Variants in AKIRIN2 observed in about 807,000 individuals in gnomAD.
The protein encoded by AKIRIN2 is akirin 2.
Under a neutral mutation model 29.3 loss-of-function variants are expected in AKIRIN2, and 6 were observed. The ratio of observed to expected loss-of-function variants is 0.20; its 90% CI spans 0.11 to 0.40. The LOEUF is 0.40. AKIRIN2 is among the 10% of genes least tolerant of loss of function. The pLI is 1.00. For missense variants in AKIRIN2, 210 were observed against 276.1 expected, an observed-to-expected ratio of 0.76 and a Z score of 1.70; for synonymous variants, 128 against 117.5, an observed-to-expected ratio of 1.09 and a Z score of -0.58.
chr6:87,680,013 C>A (rs750012793), intron 2 of AKIRIN2, among the ~76,000 whole-genome samples: 9 of 152,300 alleles, frequency 5.9e-5, no homozygotes, highest in Non-Finnish European at 1.0e-4. Context: ...ACAAAGCCCA[C>A]CAGCTTTATT....
intron 1 of AKIRIN2, among the ~76,000 whole-genome samples, chr6:87,687,438 T>G (rs1461887115): frequency 3.1e-5 from 1 of 32,626 alleles, no homozygotes; most frequent in South Asian, 8.9e-4. Context: ...AAATTCCGTT[T>G]CAAAAAAAAA....
At chr6:87,696,079 C>G (rs952901158) in intron 1 of AKIRIN2, among the ~76,000 whole-genome samples, 3 of 152,062 alleles carry the variant, frequency 2.0e-5, no homozygotes, top group Non-Finnish European at 4.4e-5. Context: ...ACTTGAGAGG[C>G]TGAGGCAGGG....
At chr6:87,698,811 C>A (rs1254810818) in intron 1 of AKIRIN2, among the ~76,000 whole-genome samples, 1 of 152,224 alleles carries the variant, frequency 6.6e-6, no homozygotes, top group Non-Finnish European at 1.5e-5. Context: ...TCAAGTCAAA[C>A]TTCCTGGGAT....
intron 3 of AKIRIN2, among the ~76,000 whole-genome samples, chr6:87,676,596 A>AACACACGCGCGCGCGCACACAC (rs1485678233): frequency 2.1e-5 from 3 of 142,146 alleles, no homozygotes; most frequent in African/African-American, 8.1e-5. Flanking sequence ...CTCTACTAAA[A>AACACACGCGCGCGCGCACACAC]ACACACACAC....
intron 3 of AKIRIN2, among the ~76,000 whole-genome samples, chr6:87,676,654 C>T (rs1771004530): frequency 6.7e-6 from 1 of 149,054 alleles, no homozygotes; most frequent in African/African-American, 2.5e-5. Context: ...GTGGCACACA[C>T]CTGTAGTCCC....
At chr6:87,691,785 T>A (rs1045203424) in intron 1 of AKIRIN2, among the ~76,000 whole-genome samples, 4 of 152,220 alleles carry the variant, frequency 2.6e-5, no homozygotes, top group African/African-American at 9.6e-5. Flanking sequence ...TGATTGAGTG[T>A]CATGGAAGTC....
Position 87,695,445 on chromosome 6 carries a change from A to C in AKIRIN2, c.235+6005T>G, listed in dbSNP as rs947566242. Among the ~76,000 whole-genome samples, 8 of 152,366 alleles carry C rather than the reference A, an allele frequency of 5.3e-5. No homozygotes were observed. The South Asian group carries it at 6.2e-4, about 12-fold the overall frequency. On this transcript the variant is annotated intron_variant, in intron 1 of 4. Coordinates refer to ENST00000257787, the MANE Select transcript of AKIRIN2 (RefSeq NM_018064.4). Reference sequence around the variant, plus strand: ...AGAACCTTGGGAAATGTCAAGACTTAAGATGCCTGATAGTTTTGTATAGGC... The same window carrying C: ...AGAACCTTGGGAAATGTCAAGACTTCAGATGCCTGATAGTTTTGTATAGGC...
chr6:87,687,839 A>C (rs955292827), intron 1 of AKIRIN2, among the ~76,000 whole-genome samples: 1 of 152,212 alleles, frequency 6.6e-6, no homozygotes, highest in Non-Finnish European at 1.5e-5. Flanking sequence ...ACAAGCTATC[A>C]AAATAGAGTA....
intron 1 of AKIRIN2, among the ~76,000 whole-genome samples, chr6:87,688,193 G>T (rs1322458928): frequency 6.6e-6 from 1 of 152,052 alleles, no homozygotes; most frequent in African/African-American, 2.4e-5. Flanking sequence ...GTGCAATGGT[G>T]TGATCTCAGC....
intron 1 of AKIRIN2, among the ~76,000 whole-genome samples, chr6:87,687,788 T>G (rs1438711062): frequency 6.6e-6 from 1 of 152,210 alleles, no homozygotes; most frequent in Non-Finnish European, 1.5e-5. Context: ...GCTATTGTTA[T>G]GTAGCTCTTA....
intron 1 of AKIRIN2, among the ~76,000 whole-genome samples, chr6:87,697,595 G>A (rs1208359378): frequency 1.3e-5 from 2 of 152,208 alleles, no homozygotes; most frequent in Non-Finnish European, 2.9e-5. Context: ...TCTGAAGAGA[G>A]ATGCTGCCTC....
intron 1 of AKIRIN2, 21 bp downstream of exon 1, chr6:87,701,429 G>T (rs1291963776): frequency 1.3e-6 from 2 of 1,530,436 alleles, no homozygotes; most frequent in Admixed American, 2.0e-5. Flanking sequence ...CTACCCCGGC[G>T]GCCGCGGGGC....
chr6:87,676,015 A>C (rs1770968064), intron 3 of AKIRIN2, 84 bp from the exon 4 acceptor site: 2 of 1,149,920 alleles, frequency 1.7e-6, no homozygotes, highest in Admixed American at 2.1e-5. Flanking sequence ...TATACAGTAA[A>C]ACAATTCTAA....
At chr6:87,686,371 C>A (rs976778058) in intron 1 of AKIRIN2, among the ~76,000 whole-genome samples, 3 of 151,600 alleles carry the variant, frequency 2.0e-5, no homozygotes, top group African/African-American at 7.3e-5. Flanking sequence ...TTGATGGGGG[C>A]AAGATAAACA....
intron 1 of AKIRIN2, among the ~76,000 whole-genome samples, chr6:87,688,858 A>C (rs1229237327): frequency 6.6e-6 from 1 of 152,220 alleles, no homozygotes; most frequent in Non-Finnish European, 1.5e-5. Flanking sequence ...CCAAGGCAGA[A>C]GGTTCAGCTT....
At chr6:87,683,654 T>C (rs1284560726) in intron 1 of AKIRIN2, among the ~76,000 whole-genome samples, 1 of 152,174 alleles carries the variant, frequency 6.6e-6, no homozygotes, top group Non-Finnish European at 1.5e-5. Context: ...AAAGGGTTTT[T>C]CTTTTCTTTT....
At chr6:87,687,080 AG>A (rs1457887694) in intron 1 of AKIRIN2, among the ~76,000 whole-genome samples, 3 of 150,416 alleles carry the variant, frequency 2.0e-5, no homozygotes, top group Non-Finnish European at 4.4e-5. Context: ...AAAGTCTGCC[AG>A]TTCTAGTCAG....
chr6:87,701,310 A>T lies in AKIRIN2; in HGVS notation c.235+140T>A. ...CCTCGGGCTACGAGGACCTAGTGAA[A>T]AACGTGGCTGCCCTACTACTTTGCT... On this transcript the variant is annotated intron_variant, in intron 1 of 4. Coordinates refer to ENST00000257787, the MANE Select transcript of AKIRIN2 (RefSeq NM_018064.4). The T allele has an allele frequency of 5.0e-6, 4 of 793,538 alleles. No homozygotes were observed. In the South Asian group the frequency reaches 8.4e-5, roughly 17 times the overall value. The allele number at this position is 793,538 out of a possible 1,614,324, so 49.2% of individuals were successfully genotyped here. A position where few individuals can be genotyped will look rare whatever the true frequency, so the allele number is the denominator to read the frequency against.
At chr6:87,684,969 T>C (rs1771166322) in intron 1 of AKIRIN2, among the ~76,000 whole-genome samples, 1 of 152,230 alleles carries the variant, frequency 6.6e-6, no homozygotes, top group Non-Finnish European at 1.5e-5. Flanking sequence ...AGAGTGATTT[T>C]GTCATTTTGC....
Sources: gnomAD v4.1 joint callset for allele counts (sites outside exome capture counted in the v4.1 genomes callset) on GRCh38, gnomAD v4.1.1 for gene constraint, MANE v1.5 for transcripts, NCBI Gene and HGNC (gene_info 2026-07-23, HGNC 2026-07-21) for gene names.